The following DNAAF19 variants were observed in gnomAD, a reference collection of about 807,000 sequenced individuals.
The protein encoded by DNAAF19 is coiled-coil domain containing 103.
the DNAAF19 span, chr17:44,903,066 C>G: frequency 7.3e-7 from 1 of 1,376,220 alleles, no homozygotes; most frequent in South Asian, 1.9e-5. Flanking sequence ...TGTTTCCCAC[C>G]CTTAGAGTCT....
At chr17:44,901,893 G>A in the DNAAF19 span, among the ~76,000 whole-genome samples, 1 of 152,098 alleles carries the variant, frequency 6.6e-6, no homozygotes. Context: ...TAGGAAGGTC[G>A]GCTTCCCTTA....
At chr17:44,901,994 G>GA in the DNAAF19 span, among the ~76,000 whole-genome samples, 1 of 152,108 alleles carries the variant, frequency 6.6e-6, no homozygotes, top group Admixed American at 6.6e-5. Flanking sequence ...GCAGTGTTGA[G>GA]AGAGAGACCC....
the DNAAF19 span, chr17:44,901,023 T>C: frequency 6.2e-7 from 1 of 1,604,210 alleles, no homozygotes; most frequent in Admixed American, 1.8e-5. Context: ...CATCATCAAC[T>C]TCAAGGCTTT....
the DNAAF19 span, chr17:44,905,168 T>A: frequency 6.4e-6 from 6 of 934,512 alleles, no homozygotes; most frequent in South Asian, 8.6e-5. Flanking sequence ...GGACAGGTGG[T>A]AGGAACATGT....
At chr17:44,904,164 T>G in the DNAAF19 span, 1 of 1,550,150 alleles carries the variant, frequency 6.5e-7, no homozygotes, top group African/African-American at 1.4e-5. Context: ...AGCTTGTTGG[T>G]TTTCAGGGCT....
At chr17:44,900,351 A>G in the DNAAF19 span, among the ~76,000 whole-genome samples, 6 of 151,974 alleles carry the variant, frequency 3.9e-5, no homozygotes, top group Non-Finnish European at 8.8e-5. Flanking sequence ...TGCAGAAACT[A>G]CAGAAGTACA....
At chr17:44,901,539 C>T in the DNAAF19 span, 11 of 1,614,018 alleles carry the variant, frequency 6.8e-6, no homozygotes, top group Admixed American at 1.7e-5. Flanking sequence ...CCTTGCATCA[C>T]ATCTGAAGCC....
the DNAAF19 span, among the ~76,000 whole-genome samples, chr17:44,900,215 G>C: frequency 6.6e-6 from 1 of 151,712 alleles, no homozygotes; most frequent in East Asian, 1.9e-4. Context: ...AAAATTGCTT[G>C]AACCCCGGAG....
At chr17:44,903,399 G>A in the DNAAF19 span, 8 of 1,252,014 alleles carry the variant, frequency 6.4e-6, no homozygotes, top group Middle Eastern at 3.1e-4. Context: ...ATATGCAGGA[G>A]GGTGGGTTTC....
chr17:44,903,589 G>A, the DNAAF19 span: 1 of 1,404,624 alleles, frequency 7.1e-7, no homozygotes, highest in Non-Finnish European at 9.2e-7. Flanking sequence ...CCAGGTTCTA[G>A]AATGGCTTTC....
the DNAAF19 span, chr17:44,902,354 T>C: frequency 6.2e-7 from 1 of 1,614,148 alleles, no homozygotes; most frequent in Admixed American, 1.7e-5. Context: ...TTTCCTTCCT[T>C]TGTGGTCCAG....
chr17:44,905,145 G>A, the DNAAF19 span: 3 of 1,240,340 alleles, frequency 2.4e-6, no homozygotes, highest in South Asian at 1.5e-5. Context: ...CTCTGGGTGG[G>A]TACCCTGGGT....
chr17:44,904,557 G>T, the DNAAF19 span: 7 of 1,550,508 alleles, frequency 4.5e-6, no homozygotes, highest in Middle Eastern at 1.7e-4. Context: ...TTAGTACCCT[G>T]TGAGAAGACA....
chr17:44,904,484 G>T, the DNAAF19 span: 1 of 1,548,298 alleles, frequency 6.5e-7, no homozygotes, highest in Non-Finnish European at 8.7e-7. Flanking sequence ...CTCAAGGGCT[G>T]TGCCAAGGAA....
At chr17:44,904,215 AG>A in the DNAAF19 span, 1 of 1,550,570 alleles carries the variant, frequency 6.4e-7, no homozygotes, top group East Asian at 2.4e-5. Flanking sequence ...GGCACCCGCA[AG>A]GGGGACTACT....
At chr17:44,902,775 G>A in the DNAAF19 span, 1 of 1,586,960 alleles carries the variant, frequency 6.3e-7, no homozygotes, top group Non-Finnish European at 8.6e-7. Context: ...AGGAGGAGGA[G>A]AGGCTCCTGC....
the DNAAF19 span, chr17:44,901,552 T>C: frequency 1.9e-6 from 3 of 1,614,120 alleles, no homozygotes; most frequent in Non-Finnish European, 2.5e-6. Flanking sequence ...CTGAAGCCAC[T>C]GGAGCGGAAG....
chr17:44,903,808 C>T, the DNAAF19 span: 2 of 1,541,472 alleles, frequency 1.3e-6, no homozygotes, highest in African/African-American at 1.4e-5. Flanking sequence ...CCCTGCCCCT[C>T]TGACCCCTGC....
chr17:44,904,484 G>C, the DNAAF19 span: 2 of 1,548,298 alleles, frequency 1.3e-6, no homozygotes, highest in Non-Finnish European at 8.7e-7. Flanking sequence ...CTCAAGGGCT[G>C]TGCCAAGGAA....
Sources: allele counts gnomAD v4.1 joint callset (sites outside exome capture counted in the v4.1 genomes callset), GRCh38; gene constraint gnomAD v4.1.1; transcripts MANE v1.5; gene names NCBI Gene and HGNC (gene_info 2026-07-23, HGNC 2026-07-21).